Variants in CD2AP observed in about 807,000 individuals in gnomAD.
CD2AP encodes CD2 associated protein.
CD2AP carries 46 observed loss-of-function variants against 85.1 expected under a neutral mutation model. The ratio of observed to expected loss-of-function variants is 0.54; its 90% CI spans 0.43 to 0.69. The LOEUF (loss-of-function observed/expected upper bound fraction) is 0.69, where lower values mean the gene tolerates loss of function less well. CD2AP is among the 30% of genes least tolerant of loss of function. The probability of loss-of-function intolerance (pLI) is 0.00; values close to 1 mark genes in which losing one functional copy is unlikely to be tolerated. For synonymous variants in CD2AP, 255 were observed against 252.9 expected, an observed-to-expected ratio of 1.01 and a Z score of -0.08; for missense variants, 769 against 729.5, an observed-to-expected ratio of 1.05 and a Z score of -0.62.
chr6:47,580,590 G>A (rs939925890), intron 9 of CD2AP, among the ~76,000 whole-genome samples: 2 of 152,124 alleles, frequency 1.3e-5, no homozygotes, highest in Non-Finnish European at 1.5e-5. Flanking sequence ...GAACATTTTT[G>A]CTCATTAAGA....
chr6:47,490,282 C>A (rs890287944), intron 1 of CD2AP, among the ~76,000 whole-genome samples: 1 of 152,172 alleles, frequency 6.6e-6, no homozygotes, highest in East Asian at 1.9e-4. Context: ...CTATGCCTGG[C>A]CTCTTAAGAG....
intron 2 of CD2AP, among the ~76,000 whole-genome samples, chr6:47,505,015 T>C (rs1364375501): frequency 3.1e-5 from 1 of 32,516 alleles, no homozygotes; most frequent in Non-Finnish European, 1.3e-4. Context: ...CAGTTTCTTT[T>C]TTTTTTTTTT....
At chr6:47,574,978 A>G (rs995220349) in intron 6 of CD2AP, among the ~76,000 whole-genome samples, 6 of 152,180 alleles carry the variant, frequency 3.9e-5, no homozygotes, top group African/African-American at 1.4e-4. Flanking sequence ...GTGTAGCTAC[A>G]TCTCATTTAA....
chr6:47,622,368 C>T (rs2171086), intron 17 of CD2AP, among the ~76,000 whole-genome samples: 40,906 of 151,994 alleles, frequency 0.27, 5,690 homozygotes, highest in African/African-American at 0.33. Flanking sequence ...TCTCTCGCCC[C>T]GTTCAAATTG....
intron 5 of CD2AP, among the ~76,000 whole-genome samples, chr6:47,563,707 C>G (rs1191932801): frequency 6.6e-6 from 1 of 152,082 alleles, no homozygotes; most frequent in Non-Finnish European, 1.5e-5. Flanking sequence ...GTTTTTAGCT[C>G]TCTGTAAGTG....
intron 11 of CD2AP, among the ~76,000 whole-genome samples, chr6:47,587,842 G>C (rs1184267164): frequency 6.6e-6 from 1 of 152,098 alleles, no homozygotes; most frequent in Non-Finnish European, 1.5e-5. Context: ...CACAGAAAGA[G>C]CATAAAATGG....
chr6:47,508,081 A>G (rs1766220891), intron 2 of CD2AP, among the ~76,000 whole-genome samples: 1 of 152,254 alleles, frequency 6.6e-6, no homozygotes, highest in Non-Finnish European at 1.5e-5. Flanking sequence ...AATGGTGAAT[A>G]TGCAATGACT....
At chr6:47,575,799 A>C (rs2114098469) in intron 6 of CD2AP, among the ~76,000 whole-genome samples, 1 of 152,280 alleles carries the variant, frequency 6.6e-6, no homozygotes, top group Non-Finnish European at 1.5e-5. Context: ...ACATAAGATT[A>C]CCTGAATCAT....
chr6:47,610,963 ATATATGTAT>A (rs1489881913), intron 16 of CD2AP, among the ~76,000 whole-genome samples: 10 of 99,402 alleles, frequency 1.0e-4, no homozygotes, highest in African/African-American at 3.3e-4. Flanking sequence ...ATATATATAT[ATATATGTAT>A]TTTTTTTTTT....
chr6:47,555,628 G>T (rs1008856527), intron 5 of CD2AP, among the ~76,000 whole-genome samples: 4 of 152,026 alleles, frequency 2.6e-5, no homozygotes, highest in Admixed American at 2.6e-4. Context: ...TTGTAAGATT[G>T]CTCAGACTGC....
At chr6:47,623,637 A>G (rs1769821522) in intron 17 of CD2AP, among the ~76,000 whole-genome samples, 1 of 152,184 alleles carries the variant, frequency 6.6e-6, no homozygotes, top group South Asian at 2.1e-4. Flanking sequence ...GTGGAACTAT[A>G]TCAAGCACCT....
Position 47,577,114 on chromosome 6 carries a change from T to C in CD2AP, c.903+11T>C, listed in dbSNP as rs756777784. ...CATTTGATAAGTAAGGTAAGGTGTT[T>C]CTGTTTTTCAGTGAATTGCTTAATT... On this transcript the variant is annotated intron_variant, in intron 8 of 17. Coordinates refer to ENST00000359314, the MANE Select transcript of CD2AP (RefSeq NM_012120.3). The C allele has an allele frequency of 7.3e-7, 1 of 1,365,378 alleles. No homozygotes were observed. The highest frequency in any genetic ancestry group is 1.0e-6 in the Non-Finnish European group (1 of 954,088). 84.6% of individuals were successfully genotyped at this position (1,365,378 alleles called of 1,614,324 possible). A position where few individuals can be genotyped will look rare whatever the true frequency, so the allele number is the denominator to read the frequency against.
At chr6:47,619,508 G>T (rs1769688224) in intron 17 of CD2AP, among the ~76,000 whole-genome samples, 1 of 152,184 alleles carries the variant, frequency 6.6e-6, no homozygotes, top group African/African-American at 2.4e-5. Flanking sequence ...TTGCTGTTGT[G>T]AGTCTTGCTG....
intron 1 of CD2AP, among the ~76,000 whole-genome samples, chr6:47,495,581 A>T (rs1291424114): frequency 6.6e-6 from 1 of 152,190 alleles, no homozygotes; most frequent in Non-Finnish European, 1.5e-5. Context: ...TACTCTAGGT[A>T]ATAAATAGAT....
intron 16 of CD2AP, among the ~76,000 whole-genome samples, chr6:47,611,918 A>G (rs1769451784): frequency 1.3e-5 from 2 of 152,134 alleles, no homozygotes; most frequent in African/African-American, 4.8e-5. Context: ...GCTATAGAAA[A>G]AAGGACAACT....
At chr6:47,487,673 G>C (rs1765596685) in intron 1 of CD2AP, among the ~76,000 whole-genome samples, 1 of 151,342 alleles carries the variant, frequency 6.6e-6, no homozygotes, top group African/African-American at 2.4e-5. Context: ...CTGGGTGACA[G>C]AGCGAGACTC....
intron 11 of CD2AP, among the ~76,000 whole-genome samples, chr6:47,590,979 C>T (rs980905849): frequency 3.9e-5 from 6 of 152,082 alleles, no homozygotes; most frequent in African/African-American, 1.4e-4. Context: ...TTCCATACTA[C>T]CCAAAGCAAT....
At chr6:47,544,162 T>C (rs1329294259) in intron 3 of CD2AP, among the ~76,000 whole-genome samples, 2 of 152,242 alleles carry the variant, frequency 1.3e-5, no homozygotes, top group South Asian at 2.1e-4. Context: ...ATAAAATAAA[T>C]TTGAAATTTG....
At chr6:47,607,150 G>C (rs1007209646) in intron 14 of CD2AP, among the ~76,000 whole-genome samples, 1 of 138,126 alleles carries the variant, frequency 7.2e-6, no homozygotes, top group African/African-American at 2.5e-5. Flanking sequence ...TCTTTTTTGT[G>C]ACTGAATAGT....
Sources: allele counts gnomAD v4.1 joint callset (sites outside exome capture counted in the v4.1 genomes callset), GRCh38; gene constraint gnomAD v4.1.1; transcripts MANE v1.5; gene names NCBI Gene and HGNC (gene_info 2026-07-23, HGNC 2026-07-21).